ASAP3: variants seen among roughly 807,000 people sequenced by gnomAD.
ASAP3 encodes arf-GAP with SH3 domain, ANK repeat and PH domain-containing protein 3.
In ASAP3, 85 loss-of-function variants were observed where a neutral mutation model predicts 118.2. The observed-to-expected ratio is 0.72, with a 90% CI of 0.60 to 0.86. The LOEUF is 0.86. Among genes scored for constraint, ASAP3 ranks in the 40% least tolerant of loss-of-function variants. ASAP3 has a pLI of 0.00. For missense variants in ASAP3, 1,026 were observed against 1,175.0 expected (o/e 0.87, Z 1.85); for synonymous variants, 432 against 477.4 (o/e 0.90, Z 1.24).
At chr1:23,454,445 C>G (rs1351127833) in intron 3 of ASAP3, among the ~76,000 whole-genome samples, 1 of 152,114 alleles carries the variant, frequency 6.6e-6, no homozygotes, top group East Asian at 1.9e-4. Flanking sequence ...CTTGGCCTCC[C>G]AAAGTGCTGG....
rs1036972675 is a variant in ASAP3, at chr1:23,460,521, A to C, written c.130-4327T>G. 3.2e-4 allele frequency among the ~76,000 whole-genome samples: 48 copies of C among 150,436 alleles called. 2 individuals are homozygous for C. The highest frequency in any genetic ancestry group is 7.4e-5 in the African/African-American group (3 of 40,512). ...GACTCCATCTCAAAAAAAAAAAAAA[A>C]AAAAACCAAACAAAAACACACACAC... On this transcript the variant is annotated intron_variant, in intron 1 of 24. Coordinates refer to ENST00000336689, the MANE Select transcript of ASAP3 (RefSeq NM_017707.4).
rs1273322911 is a variant in ASAP3 at position 23,439,164 on chromosome 1, G to A, written c.1011C>T (p.Ser337=). 1 of 1,613,960 alleles carries A rather than the reference G, an allele frequency of 6.2e-7. No homozygotes were observed. The highest frequency in any genetic ancestry group is 1.3e-5 in the African/African-American group (1 of 74,900). The change falls in exon 11 of 25, where the codon AGC becomes AGT. Residue 337 remains serine (S), a synonymous_variant. Transcript: ENST00000336689. ...VKYGCLTISH[S]TINRPPVKLT... is the part of the protein sequence containing the mutation. ...TCCCACCACCTCTAGGCCTCACCGT[G>A]CTGTGTGAGATGGTCAGGCAGCCAT...
At chr1:23,443,651 C>T (rs900990143) in intron 5 of ASAP3, among the ~76,000 whole-genome samples, 4 of 151,678 alleles carry the variant, frequency 2.6e-5, no homozygotes, top group African/African-American at 4.8e-5. Flanking sequence ...ATGCCTCAGC[C>T]TCCTGAGTAG....
At chr1:23,435,030 C>T (rs993608541) in intron 17 of ASAP3, among the ~76,000 whole-genome samples, 1 of 152,096 alleles carries the variant, frequency 6.6e-6, no homozygotes, top group African/African-American at 2.4e-5. Context: ...CAAAGATACC[C>T]GTTTTTAGTT....
Position 23,451,491 on chromosome 1 carries a change from T to C in ASAP3, c.461A>G (p.Tyr154Cys), listed in dbSNP as rs755791108. The change falls in exon 5 of 25, where the codon TAT (tyrosine) becomes TGT (cysteine). Residue 154 changes from tyrosine (Y) to cysteine (C), a missense_variant. Physicochemically the swap from Tyr to Cys is radical, Grantham distance 194. Transcript: ENST00000336689. ...TGTGGCCACTTACATTTTGGCTTCA[T>C]AGTCCTTCCATGCCTTCTCCAGCTG... ...KKQLEKAWKDYEAKMAKLEKE... is the reference protein window; with the variant it reads ...KKQLEKAWKDCEAKMAKLEKE... 5.6e-6 allele frequency: 9 copies of C among 1,614,112 alleles called. No individual in the cohort carries two copies. Among genetic ancestry groups the C allele is most frequent in the South Asian group, 2.2e-5 (2 of 91,088 alleles).
chr1:23,450,609 A>G (rs1366498427), intron 5 of ASAP3, among the ~76,000 whole-genome samples: 2 of 148,124 alleles, frequency 1.4e-5, no homozygotes, highest in South Asian at 4.3e-4. Flanking sequence ...CAGACCTTGT[A>G]AAAAAAAAAA....
intron 1 of ASAP3, among the ~76,000 whole-genome samples, chr1:23,462,868 A>T (rs1641641934): frequency 2.0e-5 from 3 of 152,198 alleles, no homozygotes; most frequent in Admixed American, 2.0e-4. Flanking sequence ...GAGGGCTATG[A>T]TGGAAGGTTC....
chr1:23,433,510 G>A lies in ASAP3; in HGVS notation c.2042C>T (p.Thr681Ile). Reference sequence around the variant, plus strand: ...GTCCACATGTAGAGGGAAGGCAAAGGTCCCCGCCTGGGCCTGCTCCAGCTG... The same window carrying A: ...GTCCACATGTAGAGGGAAGGCAAAGATCCCCGCCTGGGCCTGCTCCAGCTG... Reference protein sequence around the residue: ...EELLEQAQAGTFAFPLHVDYS... With the variant: ...EELLEQAQAGIFAFPLHVDYS... The change falls in exon 21 of 25, where the codon ACC becomes ATC. Residue 681 changes from threonine to isoleucine, a missense_variant. Thr to Ile is a moderately conservative substitution (Grantham distance 89). Transcript: ENST00000336689. 1 of 1,614,164 alleles carries A rather than the reference G, an allele frequency of 6.2e-7. No individual in the cohort carries two copies. Among genetic ancestry groups the A allele is most frequent in the Non-Finnish European group, 8.5e-7 (1 of 1,180,038 alleles).
In ASAP3 at chr1:23,482,480, C is replaced by CCA. The variant is rs138230652; in HGVS notation, c.129+1523_129+1524dup. On this transcript the variant is annotated intron_variant, in intron 1 of 24. Transcript: ENST00000336689. ...GAGATTGCAGTCAGCTGAGATCGCA[C>CCA]CACTGTACTCCAGCCTGGGAGACAG... Among the ~76,000 whole-genome samples, 1,147 of 152,134 alleles carry CCA rather than the reference C, an allele frequency of 7.5e-3. 18 individuals carry two copies. The highest frequency in any genetic ancestry group is 0.026 in the African/African-American group (1,095 of 41,460).
chr1:23,454,041 A>G (rs1641307124), intron 3 of ASAP3, among the ~76,000 whole-genome samples: 1 of 151,898 alleles, frequency 6.6e-6, no homozygotes, highest in South Asian at 2.1e-4. Context: ...TTTTTTTGAG[A>G]CAGGGTCTTG....
intron 19 of ASAP3, 72 bp downstream of exon 19, chr1:23,434,182 C>G: frequency 4.1e-6 from 6 of 1,476,592 alleles, no homozygotes; most frequent in Non-Finnish European, 5.7e-6. Flanking sequence ...GATTAGAGCC[C>G]GAGACCATCG....
At chr1:23,463,156 G>T (rs1641651625) in intron 1 of ASAP3, among the ~76,000 whole-genome samples, 2 of 152,174 alleles carry the variant, frequency 1.3e-5, no homozygotes, top group Admixed American at 6.5e-5. Context: ...GCCAGGCATG[G>T]TGCCAGATGG....
intron 1 of ASAP3, among the ~76,000 whole-genome samples, chr1:23,476,323 G>A (rs1642127706): frequency 6.6e-6 from 1 of 150,730 alleles, no homozygotes; most frequent in African/African-American, 2.5e-5. Flanking sequence ...TCCAGCCTGG[G>A]CAATACAGTG....
chr1:23,429,929 A>G lies in ASAP3; in HGVS notation c.2639T>C (p.Val880Ala), dbSNP rs1570316929. The change falls in exon 25 of 25, where the codon GTT becomes GCT. Residue 880 changes from valine to alanine, a missense_variant and splice_region_variant. Val to Ala is a moderately conservative substitution (Grantham distance 64). Transcript: ENST00000336689. ...TGAGCCATCTCCTTCAGTGATGCCA[A>G]CCTGCAGAAAGAAGGATGAAACTGA... The part of the protein sequence containing the change: ...RQPLPRRNVP[V>A]GITEGDGSRT... 1 of 1,613,650 alleles carries G rather than the reference A, an allele frequency of 6.2e-7. No homozygotes were observed. The highest frequency in any genetic ancestry group is 8.5e-7 in the Non-Finnish European group (1 of 1,179,762).
Position 23,434,305 on chromosome 1 carries a change from G to T in ASAP3, c.1900C>A (p.Gln634Lys), listed in dbSNP as rs778595220. Residue 634 changes from glutamine (Q) to lysine (K), a missense_variant, in exon 19 of 25, where the codon CAG becomes AAG. By Grantham distance (53) the Gln-to-Lys change is moderately conservative. Coordinates refer to ENST00000336689, the MANE Select transcript of ASAP3 (RefSeq NM_017707.4). ...TALHYAALYN[Q>K]PDCLKLLLKG... is the part of the protein sequence containing the mutation. ...AGCAGCAGCTTGAGGCAGTCGGGCT[G>T]GTTGTAGAGTGCTGCGTAGTGCAGA... The T allele has an allele frequency of 6.2e-7, 1 of 1,614,216 alleles. No individual in the cohort carries two copies. The highest frequency in any genetic ancestry group is 8.5e-7 in the Non-Finnish European group (1 of 1,180,048).
Position 23,442,256 on chromosome 1 carries a change from C to G in ASAP3, c.601G>C (p.Gly201Arg), listed in dbSNP as rs145225699. 1.9e-6 allele frequency: 3 copies of G among 1,604,942 alleles called. No individual in the cohort carries two copies. The highest frequency in any genetic ancestry group is 1.7e-5 in the Admixed American group (1 of 58,286). ...LHMCEYLLKA[G>R]ESQMKQGPDF... is the part of the protein sequence containing the mutation. ...GGACCTTGCTTCATCTGGCTCTCCC[C>G]GGCTTTGAGCAGATACTAGGAGGAG... Residue 201 changes from glycine to arginine, a missense_variant, in exon 7 of 25, where the codon GGG becomes CGG. Gly to Arg is a moderately radical substitution (Grantham distance 125, BLOSUM62 -2). Coordinates refer to ENST00000336689, the MANE Select transcript of ASAP3 (RefSeq NM_017707.4).
Position 23,438,262 on chromosome 1 carries a change from C to G in ASAP3, c.1102+485G>C, listed in dbSNP as rs1463153733. 1.3e-5 allele frequency among the ~76,000 whole-genome samples: 2 copies of G among 152,264 alleles called. No homozygotes were observed. The highest frequency in any genetic ancestry group is 4.2e-4 in the South Asian group (2 of 4,816). ...GCTATATCTGCACCCATCTTCTGGACAGCCCCCTCATCTTACAGTCCTGGG... is the reference window on the plus strand; with the variant it reads ...GCTATATCTGCACCCATCTTCTGGAGAGCCCCCTCATCTTACAGTCCTGGG... On this transcript the variant is annotated intron_variant, in intron 12 of 24. Coordinates refer to ENST00000336689, the MANE Select transcript of ASAP3 (RefSeq NM_017707.4). This position sits in a 1 kb window ranked among gnomAD's most constrained non-coding sequence, Gnocchi z 4.9.
intron 1 of ASAP3, among the ~76,000 whole-genome samples, chr1:23,481,499 C>T (rs777087787): frequency 1.3e-5 from 2 of 152,160 alleles, no homozygotes; most frequent in Non-Finnish European, 2.9e-5. Context: ...AAGTCTAATC[C>T]AAAGTTCAGA....
chr1:23,471,234 C>A (rs1041607201), intron 1 of ASAP3, among the ~76,000 whole-genome samples: 14 of 152,324 alleles, frequency 9.2e-5, no homozygotes, highest in African/African-American at 3.4e-4. Context: ...GCCTGGAGGG[C>A]CCTTGCCCCA....
Sources: gnomAD v4.1 joint callset for allele counts (sites outside exome capture counted in the v4.1 genomes callset) on GRCh38, gnomAD v4.1.1 for gene constraint, Gnocchi (gnomAD v3.1) non-coding constraint, MANE v1.5 for transcripts, NCBI Gene and HGNC (gene_info 2026-07-23, HGNC 2026-07-21) for gene names.